Variants in GTF3C1 observed in about 807,000 individuals in gnomAD.
The protein encoded by GTF3C1 is general transcription factor 3C polypeptide 1.
GTF3C1 carries 57 observed loss-of-function variants against 226.7 expected under a neutral mutation model. The observed-to-expected ratio is 0.25, with a 90% confidence interval of 0.20 to 0.31. The LOEUF (loss-of-function observed/expected upper bound fraction) is 0.31, where lower values mean the gene tolerates loss of function less well. Among genes scored for constraint, GTF3C1 ranks in the 10% least tolerant of loss-of-function variants. The probability of loss-of-function intolerance (pLI) is 1.00; values close to 1 mark genes in which losing one functional copy is unlikely to be tolerated. For synonymous variants in GTF3C1, 1,090 were observed against 1,084.8 expected (o/e 1.00, Z -0.09); for missense variants, 2,217 against 2,776.1 (o/e 0.80, Z 4.53).
chr16:27,489,907 T>C (rs2088207874), intron 19 of GTF3C1, among the ~76,000 whole-genome samples, 164 bp from the exon 20 acceptor site: 1 of 152,152 alleles, frequency 6.6e-6, no homozygotes. Flanking sequence ...GTACAAAATA[T>C]CCATACAAGA....
chr16:27,494,123 C>A (rs537408165), intron 16 of GTF3C1, among the ~76,000 whole-genome samples: 2 of 152,026 alleles, frequency 1.3e-5, no homozygotes, highest in African/African-American at 2.4e-5. Flanking sequence ...ATGTTTTGGT[C>A]GGGTGCAATG....
chr16:27,537,996 T>G, intron 3 of GTF3C1, 69 bp from the exon 4 acceptor site: 1 of 1,531,756 alleles, frequency 6.5e-7, no homozygotes, highest in Non-Finnish European at 8.9e-7. Context: ...GTCTCTCACT[T>G]GGACATAAAC....
chr16:27,478,684 A>C (rs1490834388), intron 27 of GTF3C1, 153 bp from the exon 28 acceptor site: 3 of 682,836 alleles, frequency 4.4e-6, no homozygotes, highest in Non-Finnish European at 8.1e-6. Flanking sequence ...CATGTAAATT[A>C]AAATGAGAAT....
Position 27,531,924 on chromosome 16 carries a change from C to T in GTF3C1, c.849+1367G>A, listed in dbSNP as rs1468052126. ...TTTTCTACTCTGATAAACTGAGACA[C>T]AGAGAAGCAAAACACTTCTCCCCTA... On this transcript the variant is annotated intron_variant, in intron 5 of 36. Transcript: ENST00000356183. Among the ~76,000 whole-genome samples, 3 of 152,226 alleles carry T rather than the reference C, an allele frequency of 2.0e-5. No homozygotes were observed. In the East Asian group the frequency reaches 5.8e-4, roughly 29 times the overall value.
At chr16:27,506,688 T>A (rs1315021000) in intron 9 of GTF3C1, among the ~76,000 whole-genome samples, 159 bp downstream of exon 9, 1 of 152,076 alleles carries the variant, frequency 6.6e-6, no homozygotes, top group Non-Finnish European at 1.5e-5. Context: ...GACCCTCTCC[T>A]CCAAACCCAT....
rs1277757138 is a variant in GTF3C1, at chr16:27,471,680, T to C, written c.4526+68A>G. The C allele has an allele frequency of 1.6e-6, 2 of 1,285,568 alleles. No homozygotes were observed. Among genetic ancestry groups the C allele is most frequent in the Admixed American group, 1.8e-5 (1 of 55,406 alleles). 79.6% of individuals were successfully genotyped at this position (1,285,568 alleles called of 1,614,324 possible). On this transcript the variant is annotated intron_variant, in intron 30 of 36. Transcript: ENST00000356183. The surrounding 1 kb of genome is among the most constrained non-coding windows in gnomAD (Gnocchi z 5.0). ...ACGCTTTCATGGCCACAGTGCTTCCTTTGCTCCTCTTTACAGACAGGGCGT... is the reference window on the plus strand; with the variant it reads ...ACGCTTTCATGGCCACAGTGCTTCCCTTGCTCCTCTTTACAGACAGGGCGT...
At chr16:27,494,957 CATGGTGA>C in intron 15 of GTF3C1, 49 bp from the exon 16 acceptor site, 2 of 1,510,424 alleles carry the variant, frequency 1.3e-6, no homozygotes, top group Non-Finnish European at 1.8e-6. Context: ...TACCAGTCAC[CATGGTGA>C]CACATGGTAA....
At chr16:27,526,614 G>A (rs140118285) in intron 6 of GTF3C1, among the ~76,000 whole-genome samples, 77 of 152,272 alleles carry the variant, frequency 5.1e-4, no homozygotes, top group African/African-American at 1.7e-3. Context: ...TTTGGCTATC[G>A]CCCTTCACAG....
chr16:27,548,161 T>A (rs2089191220), intron 1 of GTF3C1, among the ~76,000 whole-genome samples: 1 of 152,206 alleles, frequency 6.6e-6, no homozygotes, highest in Admixed American at 6.5e-5. Flanking sequence ...ATTCCCTACC[T>A]CCAATTCCAC....
intron 29 of GTF3C1, among the ~76,000 whole-genome samples, chr16:27,475,737 G>A (rs2087942051): frequency 6.6e-6 from 1 of 152,148 alleles, no homozygotes; most frequent in Non-Finnish European, 1.5e-5. Context: ...GTGGACCTGT[G>A]TCCTCGGGAG....
chr16:27,533,476 C>A, intron 4 of GTF3C1, 89 bp from the exon 5 acceptor site: 1 of 728,724 alleles, frequency 1.4e-6, no homozygotes, highest in South Asian at 1.5e-5. Flanking sequence ...CAAAGCAAGA[C>A]TTGACTTAAT....
At position 27,483,055 on chromosome 16, in the gene GTF3C1, C is replaced by G. The variant is rs768511848; in HGVS notation, c.4072G>C (p.Asp1358His). The stretch of plus-strand genomic sequence containing the variant: ...CACACAGGACCTACCTTTGGGTCAT[C>G]ATAGTCACCTCTTCGATTCATGAAA... Reference protein sequence around the residue: ...GDFMNRRGDYDDPKVCANEFK... With the variant: ...GDFMNRRGDYHDPKVCANEFK... Residue 1358 changes from aspartate to histidine, a missense_variant, in exon 26 of 37, where the codon GAT (aspartate) becomes CAT (histidine). Coordinates refer to ENST00000356183, the MANE Select transcript of GTF3C1 (RefSeq NM_001520.4). The G allele has an allele frequency of 6.2e-7, 1 of 1,614,192 alleles. No homozygotes were observed. Among genetic ancestry groups the G allele is most frequent in the Non-Finnish European group, 8.5e-7 (1 of 1,180,014 alleles).
chr16:27,515,187 G>A (rs1480424663), intron 6 of GTF3C1, among the ~76,000 whole-genome samples: 2 of 152,170 alleles, frequency 1.3e-5, no homozygotes, highest in Admixed American at 6.5e-5. Context: ...GCTCATGCCT[G>A]TAATCCCAGC....
In GTF3C1 at chr16:27,461,380, C is replaced by T. The variant is rs144368335; in HGVS notation, c.6300G>A (p.Glu2100=). 3.7e-6 allele frequency: 6 copies of T among 1,612,926 alleles called. No individual in the cohort carries two copies. The African/African-American group carries it at 4.0e-5, about 11-fold the overall frequency. Residue 2100 remains glutamate (E), a synonymous_variant, in exon 37 of 37, where the codon GAG becomes GAA. Coordinates refer to ENST00000356183, the MANE Select transcript of GTF3C1 (RefSeq NM_001520.4). The surrounding 1 kb of genome is among the most constrained non-coding windows in gnomAD (Gnocchi z 5.3). ...TLRLGRVFPH[E]VNWNKWIHL Reference sequence around the variant, plus strand: ...GGTGGATCCACTTGTTCCAGTTGACCTCGTGGGGGAACACACGGCCCAGCC... The same window carrying T: ...GGTGGATCCACTTGTTCCAGTTGACTTCGTGGGGGAACACACGGCCCAGCC...
intron 4 of GTF3C1, among the ~76,000 whole-genome samples, chr16:27,537,273 GT>G (rs2089014681): frequency 1.3e-5 from 2 of 152,128 alleles, no homozygotes; most frequent in Non-Finnish European, 2.9e-5. Flanking sequence ...ATTGTTAGCT[GT>G]GAAGCTACAG....
At position 27,469,453 on chromosome 16, in the gene GTF3C1, C is replaced by T; in HGVS notation, c.4912G>A (p.Ala1638Thr). 6.2e-7 allele frequency: 1 copy of T among 1,614,216 alleles called. No homozygotes were observed. Among genetic ancestry groups the T allele is most frequent in the South Asian group, 1.1e-5 (1 of 91,088 alleles). The stretch of plus-strand genomic sequence containing the variant: ...AGGTAGTTGGTGTGGGAGGCTTGCG[C>T]AGGTTTCACCTCCATGCTCCGGCGC... ...GKRRSMEVKP[A>T]QASHTNYLLM... The change falls in exon 32 of 37, where the codon GCG becomes ACG. Residue 1638 changes from alanine (A) to threonine (T), a missense_variant. By Grantham distance (58) the Ala-to-Thr change is moderately conservative (BLOSUM62 0). Transcript: ENST00000356183. This position sits in a 1 kb window ranked among gnomAD's most constrained non-coding sequence, Gnocchi z 4.5.
At chr16:27,544,737 G>A (rs550171200) in intron 2 of GTF3C1, among the ~76,000 whole-genome samples, 3 of 152,252 alleles carry the variant, frequency 2.0e-5, no homozygotes, top group Non-Finnish European at 4.4e-5. Context: ...AGAATGGCTT[G>A]GCAGCACAGG....
Position 27,492,644 on chromosome 16 carries a change from G to A in GTF3C1, c.2946C>T (p.Pro982=). The A allele has an allele frequency of 6.2e-7, 1 of 1,602,486 alleles. No homozygotes were observed. Among genetic ancestry groups the A allele is most frequent in the Non-Finnish European group, 8.6e-7 (1 of 1,169,408 alleles). Residue 982 remains proline (P), a synonymous_variant, in exon 18 of 37, where the codon CCC becomes CCT. Coordinates refer to ENST00000356183, the MANE Select transcript of GTF3C1 (RefSeq NM_001520.4). This position sits in a 1 kb window ranked among gnomAD's most constrained non-coding sequence, Gnocchi z 5.0. ...GATCTTTATCCTGAAACTTTTCCGTGGGACCAAACTGTAGCAGCCCCATGT... is the reference window on the plus strand; with the variant it reads ...GATCTTTATCCTGAAACTTTTCCGTAGGACCAAACTGTAGCAGCCCCATGT... ...LCYMGLLQFG[P]TEKFQDKDQV... is the part of the protein sequence containing the mutation.
chr16:27,525,831 G>A (rs1226408981), intron 6 of GTF3C1, among the ~76,000 whole-genome samples: 1 of 152,174 alleles, frequency 6.6e-6, no homozygotes, highest in Non-Finnish European at 1.5e-5. Flanking sequence ...GGGTTTCCTT[G>A]GAATTAATAA....
Sources: allele counts gnomAD v4.1 joint callset (sites outside exome capture counted in the v4.1 genomes callset), GRCh38; gene constraint gnomAD v4.1.1; non-coding constraint Gnocchi (gnomAD v3.1); transcripts MANE v1.5; gene names NCBI Gene and HGNC (gene_info 2026-07-23, HGNC 2026-07-21).